The following MEGF11 variants were observed in gnomAD, a reference collection of about 807,000 sequenced individuals.
The protein encoded by MEGF11 is multiple EGF like domains 11, also known as multiple epidermal growth factor-like domains protein 11.
MEGF11 carries 126 observed loss-of-function variants against 146.6 expected under a neutral mutation model. That is an observed-to-expected ratio of 0.86 (90% CI 0.74 to 1.00). MEGF11 has a LOEUF of 1.00. Among genes scored for constraint, MEGF11 ranks in the 50% least tolerant of loss-of-function variants. MEGF11 has a pLI of 0.00. For synonymous variants in MEGF11, 532 were observed against 583.4 expected (o/e 0.91, Z 1.27); for missense variants, 1,509 against 1,521.2 (o/e 0.99, Z 0.13).
intron 5 of MEGF11, among the ~76,000 whole-genome samples, chr15:66,001,243 G>A (rs1316538091): frequency 6.6e-6 from 1 of 152,122 alleles, no homozygotes; most frequent in East Asian, 1.9e-4. Context: ...ACGCCCCCAC[G>A]AAAGTTTCTC....
intron 5 of MEGF11, among the ~76,000 whole-genome samples, chr15:66,017,065 C>T (rs1036701390): frequency 6.6e-6 from 1 of 152,188 alleles, no homozygotes; most frequent in African/African-American, 2.4e-5. Context: ...CAAGTTAAGT[C>T]ATGAAGAGCT....
intron 13 of MEGF11, among the ~76,000 whole-genome samples, chr15:65,925,974 G>T (rs114715602): frequency 0.028 from 4,191 of 152,248 alleles, 220 homozygotes; most frequent in African/African-American, 0.096. Context: ...TTGAAGACAG[G>T]TACCATGGCT....
chr15:66,210,275 G>A (rs537247472), intron 1 of MEGF11, among the ~76,000 whole-genome samples: 1 of 152,264 alleles, frequency 6.6e-6, no homozygotes, highest in Non-Finnish European at 1.5e-5. Context: ...CTCGAAACAG[G>A]ACCTTAACTC....
At chr15:66,077,868 G>A (rs1177430198) in intron 5 of MEGF11, among the ~76,000 whole-genome samples, 2 of 152,232 alleles carry the variant, frequency 1.3e-5, no homozygotes, top group African/African-American at 4.8e-5. Context: ...GAGGGCAAGG[G>A]TGGGAATGAT....
At chr15:65,949,540 G>C (rs1293623761) in intron 10 of MEGF11, among the ~76,000 whole-genome samples, 1 of 152,184 alleles carries the variant, frequency 6.6e-6, no homozygotes, top group African/African-American at 2.4e-5. Context: ...TGTCATCCTG[G>C]GGAGAAATAT....
At chr15:66,126,393 C>A (rs536669020) in intron 2 of MEGF11, among the ~76,000 whole-genome samples, 2 of 152,342 alleles carry the variant, frequency 1.3e-5, no homozygotes, top group African/African-American at 2.4e-5. Context: ...GGTTTCACTC[C>A]TTGTCTTCCC....
chr15:66,031,580 G>A lies in MEGF11; in HGVS notation c.395-49092C>T, dbSNP rs2083521920. 2.0e-5 allele frequency among the ~76,000 whole-genome samples: 3 copies of A among 152,326 alleles called. No individual in the cohort carries two copies. In the South Asian group the frequency reaches 6.2e-4, roughly 32 times the overall value. On this transcript the variant is annotated intron_variant, in intron 5 of 25. Coordinates refer to ENST00000395614, the MANE Select transcript of MEGF11 (RefSeq NM_001385028.1). ...AATTTACGTGGGGGGATGGAGGGGTGAAGACATCCATAAGGCAGTGAGGAA... is the reference window on the plus strand; with the variant it reads ...AATTTACGTGGGGGGATGGAGGGGTAAAGACATCCATAAGGCAGTGAGGAA...
chr15:66,029,057 G>C (rs2552180), intron 5 of MEGF11, among the ~76,000 whole-genome samples: 145,643 of 152,300 alleles, frequency 0.96, 69,986 homozygotes, highest in Middle Eastern at 1. Context: ...ATCCCTGTCT[G>C]TATCCCAGAG....
intron 5 of MEGF11, among the ~76,000 whole-genome samples, chr15:66,028,334 A>C (rs574141281): frequency 5.9e-5 from 9 of 152,222 alleles, no homozygotes; most frequent in Non-Finnish European, 1.0e-4. Flanking sequence ...TTAACACAAC[A>C]GGGAGGTCCT....
At chr15:66,213,512 A>G (rs1055992700) in intron 1 of MEGF11, among the ~76,000 whole-genome samples, 19 of 152,114 alleles carry the variant, frequency 1.2e-4, no homozygotes, top group African/African-American at 4.6e-4. Flanking sequence ...TTTGTCTGAT[A>G]GTGATATAGG....
rs115770534 is a variant in MEGF11 at position 66,059,234 on chromosome 15, G to C, written c.394+35168C>G. On this transcript the variant is annotated intron_variant, in intron 5 of 25. Coordinates refer to ENST00000395614, the MANE Select transcript of MEGF11 (RefSeq NM_001385028.1). ...CCAGCCCAGAGCTGTTCCCTCCCCC[G>C]CGCCATCCTCACCACGAGGAAGTTC... is the stretch of plus-strand genomic sequence containing the variant. Among the ~76,000 whole-genome samples the C allele has an allele frequency of 7.9e-5, 12 of 152,246 alleles. No individual in the cohort carries two copies. The South Asian group carries it at 2.5e-3, about 32-fold the overall frequency.
At chr15:66,016,075 G>A (rs956118317) in intron 5 of MEGF11, among the ~76,000 whole-genome samples, 5 of 151,932 alleles carry the variant, frequency 3.3e-5, no homozygotes, top group Non-Finnish European at 5.9e-5. Flanking sequence ...AGAGGGCAAA[G>A]AATTAGCTAT....
At chr15:65,922,513 C>T in intron 14 of MEGF11, 41 bp from the exon 15 acceptor site, 2 of 1,504,122 alleles carry the variant, frequency 1.3e-6, no homozygotes, top group Non-Finnish European at 1.8e-6. Flanking sequence ...GCCCAAGAGA[C>T]CCCAGCCAGC....
At chr15:66,226,393 G>A (rs1365022854) in intron 1 of MEGF11, among the ~76,000 whole-genome samples, 2 of 151,960 alleles carry the variant, frequency 1.3e-5, no homozygotes. Flanking sequence ...AATTACAGGC[G>A]TGTGCCACCA....
At chr15:65,988,632 A>G (rs779140157) in intron 5 of MEGF11, among the ~76,000 whole-genome samples, 1 of 152,216 alleles carries the variant, frequency 6.6e-6, no homozygotes, top group Non-Finnish European at 1.5e-5. Context: ...ACACAACTAA[A>G]TATGTTTTGA....
chr15:66,019,469 C>A (rs2083021084), intron 5 of MEGF11, among the ~76,000 whole-genome samples: 2 of 152,188 alleles, frequency 1.3e-5, no homozygotes, highest in South Asian at 4.1e-4. Context: ...AGAGGCTGGC[C>A]CCTCCTGCGG....
At chr15:66,141,233 GGTGTGT>G (rs572801225) in intron 1 of MEGF11, among the ~76,000 whole-genome samples, 6,237 of 96,354 alleles carry the variant, frequency 0.065, 233 homozygotes, top group Non-Finnish European at 0.077. Context: ...CAGACTCAGG[GGTGTGT>G]GTGTGTGTGT....
intron 23 of MEGF11, 35 bp from the exon 24 acceptor site, chr15:65,906,176 G>C: frequency 6.5e-7 from 1 of 1,538,922 alleles, no homozygotes; most frequent in Non-Finnish European, 8.9e-7. Context: ...AAGAAAATAT[G>C]GGGGTGAGGT....
intron 1 of MEGF11, among the ~76,000 whole-genome samples, chr15:66,184,831 A>G (rs748865624): frequency 5.0e-4 from 74 of 149,288 alleles, no homozygotes; most frequent in Non-Finnish European, 8.8e-4. Flanking sequence ...CACATCCTCC[A>G]TCCCAGCTCA....
Sources: allele counts gnomAD v4.1 joint callset (sites outside exome capture counted in the v4.1 genomes callset), GRCh38; gene constraint gnomAD v4.1.1; transcripts MANE v1.5; gene names NCBI Gene and HGNC (gene_info 2026-07-23, HGNC 2026-07-21).